MBD5: variants seen among roughly 807,000 people sequenced by gnomAD.
MBD5 encodes methyl-CpG-binding domain protein 5.
A neutral mutation model predicts 117.3 loss-of-function variants in MBD5; 13 were observed. The observed-to-expected ratio is 0.11, with a 90% CI of 0.07 to 0.18. MBD5 has a LOEUF of 0.18. Ranked by LOEUF, MBD5 falls within the 10% of genes least tolerant of loss-of-function variation. The pLI is 1.00. For missense variants in MBD5, 1,879 were observed against 2,093.8 expected (o/e 0.90, Z 2.00); for synonymous variants, 727 against 766.4 (o/e 0.95, Z 0.85).
At chr2:148,433,850 G>A (rs1559069478) in intron 4 of MBD5, among the ~76,000 whole-genome samples, 1 of 152,024 alleles carries the variant, frequency 6.6e-6, no homozygotes, top group Non-Finnish European at 1.5e-5. Context: ...GTTGTCAGGG[G>A]ATGCTGGCTT....
At chr2:148,292,801 T>C (rs1459234743) in intron 3 of MBD5, among the ~76,000 whole-genome samples, 1 of 151,820 alleles carries the variant, frequency 6.6e-6, no homozygotes, top group East Asian at 1.9e-4. Flanking sequence ...TTACAGTAGC[T>C]AGAGATTCGG....
At chr2:148,502,028 G>A (rs372750368) in intron 11 of MBD5, among the ~76,000 whole-genome samples, 48 of 152,108 alleles carry the variant, frequency 3.2e-4, no homozygotes, top group African/African-American at 8.9e-4. Context: ...GTTGGCCCAA[G>A]GCCCACCCAC....
intron 4 of MBD5, among the ~76,000 whole-genome samples, chr2:148,420,214 T>C (rs1055501783): frequency 6.6e-6 from 1 of 152,170 alleles, no homozygotes; most frequent in Non-Finnish European, 1.5e-5. Context: ...AGACTTTTCA[T>C]CTTGCTTGTC....
At chr2:148,027,575 C>T (rs2105561551) in intron 1 of MBD5, 1 of 152,084 alleles carries the variant, frequency 6.6e-6, no homozygotes, top group Non-Finnish European at 1.5e-5. Flanking sequence ...TGACATGATG[C>T]TCAAAGAAAA....
chr2:148,256,873 TG>T (rs1376399829), intron 3 of MBD5, among the ~76,000 whole-genome samples: 1 of 152,248 alleles, frequency 6.6e-6, no homozygotes, highest in Non-Finnish European at 1.5e-5. Context: ...TCTGCTGCTA[TG>T]GTACTTGTAC....
At chr2:148,447,834 C>A (rs1393361274) in intron 4 of MBD5, 2 of 152,106 alleles carry the variant, frequency 1.3e-5, no homozygotes, top group Non-Finnish European at 2.9e-5. Context: ...CATGTGCAAG[C>A]CAAACACTTC....
chr2:148,213,478 A>G (rs1224727928), intron 2 of MBD5, among the ~76,000 whole-genome samples: 1 of 152,188 alleles, frequency 6.6e-6, no homozygotes, highest in Admixed American at 6.5e-5. Flanking sequence ...AGTAACTATA[A>G]AAGTCAGATG....
At chr2:148,400,914 T>C (rs771409736) in intron 4 of MBD5, among the ~76,000 whole-genome samples, 2 of 152,182 alleles carry the variant, frequency 1.3e-5, no homozygotes, top group Non-Finnish European at 2.9e-5. Flanking sequence ...ATAATGTTTA[T>C]TTGAATAGCA....
intron 1 of MBD5, among the ~76,000 whole-genome samples, chr2:148,110,955 G>A (rs369854875): frequency 6.6e-6 from 1 of 151,764 alleles, no homozygotes; most frequent in African/African-American, 2.4e-5. Flanking sequence ...GGATACAACA[G>A]TTTCTTATTT....
At chr2:148,178,648 A>G (rs1698443917) in intron 1 of MBD5, 52 bp from the exon 2 acceptor site, 1 of 396,494 alleles carries the variant, frequency 2.5e-6, no homozygotes, top group Non-Finnish European at 4.4e-6. Flanking sequence ...AACTAAATGA[A>G]GCAATATCTA....
At chr2:148,360,840 TAAA>T (rs1386938297) in intron 4 of MBD5, among the ~76,000 whole-genome samples, 5 of 152,150 alleles carry the variant, frequency 3.3e-5, no homozygotes, top group Admixed American at 3.3e-4. Context: ...CAAAAACAAA[TAAA>T]AAATAATGTT....
chr2:148,513,837 A>G lies in MBD5; in HGVS notation c.*896A>G, dbSNP rs141935233. 2 of 152,352 alleles carry G rather than the reference A, an allele frequency of 1.3e-5. No homozygotes were observed. The highest frequency in any genetic ancestry group is 4.8e-5 in the African/African-American group (2 of 41,586). 9.4% of individuals were successfully genotyped at this position (152,352 alleles called of 1,614,324 possible). A position where few individuals can be genotyped will look rare whatever the true frequency, so the allele number is the denominator to read the frequency against. On this transcript the variant is annotated 3_prime_UTR_variant, in exon 14 of 14. Transcript: ENST00000642680. ...CCACCTGTTGAAGCAGATAGCTTAT[A>G]CTGACTGCACCACCGCTGGTGCTCA...
chr2:148,039,150 A>G (rs187510241), intron 1 of MBD5, among the ~76,000 whole-genome samples: 4 of 152,226 alleles, frequency 2.6e-5, no homozygotes, highest in African/African-American at 9.6e-5. Flanking sequence ...TCTTCAAAAT[A>G]TAATATGGTG....
chr2:148,064,332 G>A (rs1378055737), intron 1 of MBD5, among the ~76,000 whole-genome samples: 1 of 151,320 alleles, frequency 6.6e-6, no homozygotes, highest in Admixed American at 6.6e-5. Context: ...AGCCAGGATG[G>A]TCTCGATCTC....
At chr2:148,343,527 GATA>G (rs1345929507) in intron 4 of MBD5, among the ~76,000 whole-genome samples, 1 of 151,984 alleles carries the variant, frequency 6.6e-6, no homozygotes, top group Admixed American at 6.6e-5. Context: ...GATGATTAGT[GATA>G]ATAAGCACTT....
Position 148,424,177 on chromosome 2 carries a change from C to CAAAAAAAA in MBD5, c.-556-33994_-556-33987dup, listed in dbSNP as rs56740583. 1.6e-3 allele frequency among the ~76,000 whole-genome samples: 86 copies of CAAAAAAAA among 53,440 alleles called. 13 individuals are homozygous for CAAAAAAAA. The highest frequency in any genetic ancestry group is 2.9e-3 in the Non-Finnish European group (68 of 23,290). The allele number at this position is 53,440 out of a possible 152,430, so 35.1% of individuals were successfully genotyped here. On this transcript the variant is annotated intron_variant, in intron 4 of 13. Coordinates refer to ENST00000642680, the MANE Select transcript of MBD5 (RefSeq NM_001378120.1). ...TGGGCAACAGAGCAAGACTCTGTCTCAAAAAAAAAAAAAAAAAAAAAAAAA... is the reference window on the plus strand; with the variant it reads ...TGGGCAACAGAGCAAGACTCTGTCTCAAAAAAAAAAAAAAAAAAAAAAAAAAAAAAAAA...
intron 2 of MBD5, 131 bp from the exon 3 acceptor site, chr2:148,233,114 T>C (rs1176064100): frequency 6.6e-6 from 1 of 152,180 alleles, no homozygotes; most frequent in Non-Finnish European, 1.5e-5. Context: ...TCTGTTAGAG[T>C]CTAAAATTCT....
chr2:148,378,939 A>G (rs1240545484), intron 4 of MBD5, among the ~76,000 whole-genome samples: 3 of 152,042 alleles, frequency 2.0e-5, no homozygotes, highest in Non-Finnish European at 4.4e-5. Context: ...CAATTAGTGG[A>G]TTGAGAGAGA....
At chr2:148,223,494 T>TA (rs1419640325) in intron 2 of MBD5, among the ~76,000 whole-genome samples, 2 of 152,184 alleles carry the variant, frequency 1.3e-5, no homozygotes, top group African/African-American at 4.8e-5. Context: ...TGGTATGTTG[T>TA]ATTTTTCTAG....
Sources: gnomAD v4.1 joint callset for allele counts (sites outside exome capture counted in the v4.1 genomes callset) on GRCh38, gnomAD v4.1.1 for gene constraint, MANE v1.5 for transcripts, NCBI Gene and HGNC (gene_info 2026-07-23, HGNC 2026-07-21) for gene names.